Variants in PLEKHD1 observed in about 807,000 individuals in gnomAD.
PLEKHD1 encodes pleckstrin homology domain-containing family D member 1.
A neutral mutation model predicts 69.2 loss-of-function variants in PLEKHD1; 51 were observed. The ratio of observed to expected loss-of-function variants is 0.74; its 90% CI spans 0.59 to 0.93. PLEKHD1 has a LOEUF of 0.93. Ranked by LOEUF, PLEKHD1 falls within the 40% of genes least tolerant of loss-of-function variation. The pLI is 0.00. For synonymous variants in PLEKHD1, 236 were observed against 244.7 expected (o/e 0.96, Z 0.33); for missense variants, 584 against 641.0 (o/e 0.91, Z 0.96).
In PLEKHD1 at chr14:69,500,593, G is replaced by A. The variant is rs1883001803; in HGVS notation, c.260G>A (p.Gly87Glu). 6.4e-7 allele frequency: 1 copy of A among 1,550,598 alleles called. No homozygotes were observed. The highest frequency in any genetic ancestry group is 8.7e-7 in the Non-Finnish European group (1 of 1,146,542). The change falls in exon 3 of 13, where the codon GGG becomes GAG. Residue 87 changes from glycine (G) to glutamate (E), a missense_variant. By Grantham distance (98) the Gly-to-Glu change is moderately conservative. Coordinates refer to ENST00000322564, the MANE Select transcript of PLEKHD1 (RefSeq NM_001161498.2). ...NIHPKGVIPLGGCLVEPKEEP... is the reference protein window; with the variant it reads ...NIHPKGVIPLEGCLVEPKEEP... Reference sequence around the variant, plus strand: ...CTTCCTCAGGGCGTCATCCCTCTGGGGGGCTGCCTGGTGGAGCCCAAGGAA... The same window carrying A: ...CTTCCTCAGGGCGTCATCCCTCTGGAGGGCTGCCTGGTGGAGCCCAAGGAA...
intron 12 of PLEKHD1, 32 bp downstream of exon 12, chr14:69,527,964 A>ATGG: frequency 6.4e-7 from 1 of 1,550,638 alleles, no homozygotes; most frequent in Non-Finnish European, 8.7e-7. Context: ...CCCTGGTGGG[A>ATGG]TGGTGACAAG....
At position 69,497,037 on chromosome 14, in the gene PLEKHD1, A is replaced by G. The variant is rs555583901; in HGVS notation, c.150-3078A>G. 2.0e-5 allele frequency among the ~76,000 whole-genome samples: 3 copies of G among 152,216 alleles called. No individual in the cohort carries two copies. The South Asian group carries it at 6.2e-4, about 32-fold the overall frequency. On this transcript the variant is annotated intron_variant, in intron 1 of 12. Coordinates refer to ENST00000322564, the MANE Select transcript of PLEKHD1 (RefSeq NM_001161498.2). ...TAGTAGCATTTCCAAAGCCATTGAGAGGAGATGGTGGCCCTGGAGACAGTC... is the reference window on the plus strand; with the variant it reads ...TAGTAGCATTTCCAAAGCCATTGAGGGGAGATGGTGGCCCTGGAGACAGTC...
intron 6 of PLEKHD1, among the ~76,000 whole-genome samples, chr14:69,509,518 T>C (rs1468806533): frequency 6.6e-6 from 1 of 152,220 alleles, no homozygotes; most frequent in Non-Finnish European, 1.5e-5. Context: ...TATACTTTTG[T>C]GTTTTGCATT....
chr14:69,501,582 G>A, intron 4 of PLEKHD1, 152 bp from the exon 5 acceptor site: 1 of 591,826 alleles, frequency 1.7e-6, no homozygotes, highest in Non-Finnish European at 2.9e-6. Flanking sequence ...CCAGAGCCAT[G>A]GGTGCCAGAG....
intron 7 of PLEKHD1, among the ~76,000 whole-genome samples, chr14:69,523,912 G>A (rs747170139): frequency 1.3e-5 from 2 of 152,222 alleles, no homozygotes; most frequent in Non-Finnish European, 2.9e-5. Context: ...GTGCTGTCCA[G>A]AGAAGACAGG....
intron 1 of PLEKHD1, among the ~76,000 whole-genome samples, chr14:69,496,464 A>T (rs1882889461): frequency 1.3e-5 from 2 of 152,166 alleles, no homozygotes; most frequent in Admixed American, 1.3e-4. Context: ...TGGCTTGCAG[A>T]TGGCCACCTT....
At chr14:69,498,991 T>C (rs1882959809) in intron 1 of PLEKHD1, among the ~76,000 whole-genome samples, 1 of 151,980 alleles carries the variant, frequency 6.6e-6, no homozygotes, top group Non-Finnish European at 1.5e-5. Context: ...GAGGGCCCAT[T>C]CGACCAGTGG....
chr14:69,476,859 AC>A, the PLEKHD1 span, among the ~76,000 whole-genome samples: 7 of 152,192 alleles, frequency 4.6e-5, no homozygotes, highest in Non-Finnish European at 1.0e-4. Flanking sequence ...TGGGCAATTT[AC>A]AAAAGAAAGA....
At chr14:69,512,379 T>C (rs1403091135) in intron 6 of PLEKHD1, among the ~76,000 whole-genome samples, 1 of 152,162 alleles carries the variant, frequency 6.6e-6, no homozygotes, top group Non-Finnish European at 1.5e-5. Flanking sequence ...TTTCCTGTTT[T>C]CAATTTCATT....
At chr14:69,468,109 C>T in the PLEKHD1 span, among the ~76,000 whole-genome samples, 3 of 152,158 alleles carry the variant, frequency 2.0e-5, no homozygotes, top group African/African-American at 7.2e-5. Flanking sequence ...ATGAAGAGGT[C>T]AGGCATTCAC....
the PLEKHD1 span, among the ~76,000 whole-genome samples, chr14:69,475,048 A>C: frequency 6.6e-6 from 1 of 152,158 alleles, no homozygotes; most frequent in Non-Finnish European, 1.5e-5. Flanking sequence ...TGAAGACAAG[A>C]GTGTTTTAAA....
chr14:69,526,724 G>A lies in PLEKHD1; in HGVS notation c.951G>A (p.Arg317=). 6.5e-7 allele frequency: 1 copy of A among 1,544,280 alleles called. No individual in the cohort carries two copies. The highest frequency in any genetic ancestry group is 2.5e-5 in the East Asian group (1 of 40,634). The change falls in exon 10 of 13, where the codon CGG becomes CGA. Residue 317 remains arginine (R), a synonymous_variant. Transcript: ENST00000322564. The stretch of plus-strand genomic sequence containing the variant: ...TGAAGGAGAACGAGGAGCGCTCACG[G>A]GCCCTGGAGGAGGAGCGTGAGTTCT... ...KRMKENEERS[R]ALEEEREFYS...
At chr14:69,515,778 G>A (rs1883371855) in intron 6 of PLEKHD1, among the ~76,000 whole-genome samples, 1 of 152,176 alleles carries the variant, frequency 6.6e-6, no homozygotes, top group Non-Finnish European at 1.5e-5. Flanking sequence ...TATCACCAAG[G>A]GGATGACCCA....
intron 6 of PLEKHD1, among the ~76,000 whole-genome samples, chr14:69,512,057 G>T (rs747953255): frequency 1.3e-5 from 2 of 152,202 alleles, no homozygotes; most frequent in Admixed American, 6.5e-5. Flanking sequence ...ATTAATTATT[G>T]ATTCAATTTA....
chr14:69,470,063 G>A, the PLEKHD1 span, among the ~76,000 whole-genome samples: 1 of 152,120 alleles, frequency 6.6e-6, no homozygotes, highest in African/African-American at 2.4e-5. Flanking sequence ...TAAGGTCTGA[G>A]GTTTGCTTTA....
At chr14:69,497,474 G>A (rs1057185898) in intron 1 of PLEKHD1, among the ~76,000 whole-genome samples, 3 of 152,260 alleles carry the variant, frequency 2.0e-5, no homozygotes, top group Admixed American at 2.0e-4. Flanking sequence ...CCAAGTGCAG[G>A]CTCTGCTAGC....
At chr14:69,483,063 T>C (rs1051917689), upstream of PLEKHD1, among the ~76,000 whole-genome samples, 1 of 152,168 alleles carries the variant, frequency 6.6e-6, no homozygotes, top group Non-Finnish European at 1.5e-5. Context: ...TCTCATCATC[T>C]TCCCAGTCCC....
the PLEKHD1 span, among the ~76,000 whole-genome samples, chr14:69,470,927 G>C: frequency 1.3e-5 from 2 of 151,818 alleles, no homozygotes; most frequent in South Asian, 4.2e-4. Context: ...GAGTAGCTGG[G>C]ACTACAGGTG....
chr14:69,517,125 G>A (rs1260029658), intron 6 of PLEKHD1, among the ~76,000 whole-genome samples: 1 of 151,988 alleles, frequency 6.6e-6, no homozygotes, highest in Non-Finnish European at 1.5e-5. Context: ...GCAGGTTCTA[G>A]AGTGGGGGCT....
Sources: gnomAD v4.1 joint callset for allele counts (sites outside exome capture counted in the v4.1 genomes callset) on GRCh38, gnomAD v4.1.1 for gene constraint, MANE v1.5 for transcripts, NCBI Gene and HGNC (gene_info 2026-07-23, HGNC 2026-07-21) for gene names.